The following ATP6V1G3 variants were observed in gnomAD, a reference collection of about 807,000 sequenced individuals.
The protein encoded by ATP6V1G3 is V-type proton ATPase subunit G 3.
In ATP6V1G3, 9 loss-of-function variants were observed where a neutral mutation model predicts 9.3. That is an observed-to-expected ratio of 0.97 (90% CI 0.59 to 1.69). The LOEUF is 1.69. Among genes scored for constraint, ATP6V1G3 ranks in the 40% most tolerant of loss-of-function variants. The pLI is 0.00. For missense variants in ATP6V1G3, 133 were observed against 139.0 expected (o/e 0.96, Z 0.22); for synonymous variants, 43 against 43.8 (o/e 0.98, Z 0.07).
chr1:198,524,168 A>G (rs1208110845), intron 2 of ATP6V1G3, among the ~76,000 whole-genome samples: 1 of 146,260 alleles, frequency 6.8e-6, no homozygotes, highest in African/African-American at 2.6e-5. Flanking sequence ...TGTGTCGCCC[A>G]GGCTGGAGTG....
rs1381846888 is a variant in ATP6V1G3 at position 198,529,095 on chromosome 1, GTCGAAACTCTTTA to G, written c.156_168del (p.Lys53Ter). The G allele has an allele frequency of 2.0e-6, 3 of 1,527,856 alleles. No homozygotes were observed. The highest frequency in any genetic ancestry group is 8.9e-7 in the Non-Finnish European group (1 of 1,126,318). The allele number at this position is 1,527,856 out of a possible 1,614,324, so 94.6% of individuals were successfully genotyped here. A position where few individuals can be genotyped will look rare whatever the true frequency, so the allele number is the denominator to read the frequency against. ...TTCTTACTCACCTTAGATTGTTTTA[GTCGAAACTCTTTA>G]TCTCTCTGCATTCTGTACTGGTCAA... On this transcript the variant is annotated frameshift_variant, in exon 2 of 3. Coordinates refer to ENST00000367382, the MANE Select transcript of ATP6V1G3 (RefSeq NM_001376861.1). LOFTEE classifies it low-confidence loss of function (END_TRUNC).
intron 2 of ATP6V1G3, among the ~76,000 whole-genome samples, chr1:198,525,533 G>A (rs1196769152): frequency 1.3e-5 from 2 of 152,052 alleles, no homozygotes; most frequent in South Asian, 2.1e-4. Context: ...AGTGTAATAT[G>A]AGCCACAAAG....
At chr1:198,533,214 G>C (rs1659976026) in intron 1 of ATP6V1G3, among the ~76,000 whole-genome samples, 1 of 151,266 alleles carries the variant, frequency 6.6e-6, no homozygotes, top group South Asian at 2.1e-4. Flanking sequence ...TGAGGCAGGA[G>C]AATCGCTTGA....
At position 198,533,116 on chromosome 1, in the gene ATP6V1G3, C is replaced by A. The variant is rs149023141; in HGVS notation, c.83-3935G>T. Reference sequence around the variant, plus strand: ...GTCAAGAGATCGAGACTATCCTGGCCAACATGGTGAAACCCGGTCTCTACT... The same window carrying A: ...GTCAAGAGATCGAGACTATCCTGGCAAACATGGTGAAACCCGGTCTCTACT... On this transcript the variant is annotated intron_variant, in intron 1 of 2. Coordinates refer to ENST00000367382, the MANE Select transcript of ATP6V1G3 (RefSeq NM_001376861.1). 7.8e-3 allele frequency among the ~76,000 whole-genome samples: 1,191 copies of A among 151,854 alleles called. 24 individuals carry two copies. Among genetic ancestry groups the A allele is most frequent in the African/African-American group, 0.028 (1,147 of 41,422 alleles).
intron 2 of ATP6V1G3, among the ~76,000 whole-genome samples, chr1:198,524,654 C>T (rs189217711): frequency 1.3e-5 from 2 of 152,176 alleles, no homozygotes; most frequent in Admixed American, 1.3e-4. Flanking sequence ...ATAATTTCAC[C>T]AGAGGAGTTA....
chr1:198,540,436 G>A lies in ATP6V1G3; in HGVS notation c.82+133C>T, dbSNP rs1262984548. The A allele has an allele frequency of 8.7e-6, 7 of 800,754 alleles. No homozygotes were observed. In the Admixed American group the frequency reaches 1.1e-4, roughly 13 times the overall value. The allele number at this position is 800,754 out of a possible 1,614,324, so 49.6% of individuals were successfully genotyped here. A position where few individuals can be genotyped will look rare whatever the true frequency, so the allele number is the denominator to read the frequency against. On this transcript the variant is annotated intron_variant, in intron 1 of 2. Coordinates refer to ENST00000367382, the MANE Select transcript of ATP6V1G3 (RefSeq NM_001376861.1). ...ATATGGCTGGGTAATTTTAATGAATGGGTGAAGGTCTCACAGGGAGTACAG... is the reference window on the plus strand; with the variant it reads ...ATATGGCTGGGTAATTTTAATGAATAGGTGAAGGTCTCACAGGGAGTACAG...
chr1:198,534,457 T>C (rs34191585), intron 1 of ATP6V1G3, among the ~76,000 whole-genome samples: 13,157 of 152,202 alleles, frequency 0.086, 717 homozygotes, highest in South Asian at 0.23. Context: ...TGCTGGCACC[T>C]TCTGTTTGGA....
At chr1:198,528,069 G>A (rs1659732901) in intron 2 of ATP6V1G3, among the ~76,000 whole-genome samples, 1 of 152,072 alleles carries the variant, frequency 6.6e-6, no homozygotes, top group Non-Finnish European at 1.5e-5. Flanking sequence ...AGAGACTAGG[G>A]TGGTAGAAAA....
rs765286199 is a variant in ATP6V1G3 at position 198,523,493 on chromosome 1, A to G, written c.255T>C (p.Asn85=). The stretch of plus-strand genomic sequence containing the variant: ...TTTCCATATACTTATTGTAGTGTCC[A>G]TTAAGTTCTTGTATCTTCCCTAGTG... ...EQTLGKIQEL[N]GHYNKYMESV... The change falls in exon 3 of 3, where the codon AAT becomes AAC. Residue 85 remains asparagine (N), a synonymous_variant. Transcript: ENST00000367382. The G allele has an allele frequency of 6.2e-7, 1 of 1,613,496 alleles. No homozygotes were observed.
At chr1:198,529,804 G>A (rs1456090014) in intron 1 of ATP6V1G3, among the ~76,000 whole-genome samples, 1 of 151,968 alleles carries the variant, frequency 6.6e-6, no homozygotes, top group Non-Finnish European at 1.5e-5. Flanking sequence ...TCTCTGAGGG[G>A]AACTTGCTTG....
intron 1 of ATP6V1G3, among the ~76,000 whole-genome samples, chr1:198,536,926 G>A (rs1660137753): frequency 6.6e-6 from 1 of 152,134 alleles, no homozygotes; most frequent in African/African-American, 2.4e-5. Context: ...GTGTGTGCGT[G>A]TATTATAACT....
At chr1:198,532,306 G>T (rs569764863) in intron 1 of ATP6V1G3, among the ~76,000 whole-genome samples, 1 of 152,246 alleles carries the variant, frequency 6.6e-6, no homozygotes, top group South Asian at 2.1e-4. Context: ...AGGTTGGAAG[G>T]AGCCAGTAGT....
intron 2 of ATP6V1G3, among the ~76,000 whole-genome samples, chr1:198,525,298 A>G (rs1659612161): frequency 6.6e-6 from 1 of 152,190 alleles, no homozygotes; most frequent in African/African-American, 2.4e-5. Flanking sequence ...TAAAAAATTA[A>G]AAACAAACTG....
intron 1 of ATP6V1G3, among the ~76,000 whole-genome samples, chr1:198,533,995 C>T (rs1298722356): frequency 5.9e-5 from 9 of 152,024 alleles, no homozygotes; most frequent in Non-Finnish European, 2.9e-5. Context: ...ACATTGTAGA[C>T]ACAGGGAACA....
chr1:198,529,101 A>ACAG lies in ATP6V1G3; in HGVS notation c.162_163insCTG (p.Glu54_Phe55insLeu). Reference sequence around the variant, plus strand: ...CTCACCTTAGATTGTTTTAGTCGAAACTCTTTATCTCTCTGCATTCTGTAC... The same window carrying ACAG: ...CTCACCTTAGATTGTTTTAGTCGAAACAGCTCTTTATCTCTCTGCATTCTGTAC... On this transcript the variant is annotated inframe_insertion, in exon 2 of 3. Coordinates refer to ENST00000367382, the MANE Select transcript of ATP6V1G3 (RefSeq NM_001376861.1). 6.5e-7 allele frequency: 1 copy of ACAG among 1,533,190 alleles called. No homozygotes were observed. Among genetic ancestry groups the ACAG allele is most frequent in the South Asian group, 1.2e-5 (1 of 83,732 alleles). The allele number at this position is 1,533,190 out of a possible 1,614,324, so 95.0% of individuals were successfully genotyped here.
At chr1:198,525,965 T>C (rs527920790) in intron 2 of ATP6V1G3, among the ~76,000 whole-genome samples, 2 of 152,206 alleles carry the variant, frequency 1.3e-5, no homozygotes, top group Non-Finnish European at 2.9e-5. Context: ...ATTACTATAA[T>C]TTTCACTGAT....
chr1:198,537,795 G>A (rs538124429), intron 1 of ATP6V1G3, among the ~76,000 whole-genome samples: 2 of 152,248 alleles, frequency 1.3e-5, no homozygotes, highest in Admixed American at 1.3e-4. Context: ...AAACATCAAA[G>A]TGGCCTGGAA....
At chr1:198,531,207 T>C (rs903823670) in intron 1 of ATP6V1G3, among the ~76,000 whole-genome samples, 1 of 152,136 alleles carries the variant, frequency 6.6e-6, no homozygotes, top group Middle Eastern at 3.2e-3. Flanking sequence ...CACAGCAATT[T>C]TCTTGATAGA....
At chr1:198,535,277 T>C (rs954225740) in intron 1 of ATP6V1G3, among the ~76,000 whole-genome samples, 1 of 152,164 alleles carries the variant, frequency 6.6e-6, no homozygotes, top group Admixed American at 6.5e-5. Flanking sequence ...GAAATTCTTA[T>C]ATAACAACTT....
Sources: allele counts gnomAD v4.1 joint callset (sites outside exome capture counted in the v4.1 genomes callset), GRCh38; gene constraint gnomAD v4.1.1; transcripts MANE v1.5; gene names NCBI Gene and HGNC (gene_info 2026-07-23, HGNC 2026-07-21).